FUT9: variants seen among roughly 807,000 people sequenced by gnomAD.
FUT9 encodes 4-galactosyl-N-acetylglucosaminide 3-alpha-L-fucosyltransferase 9.
A neutral mutation model predicts 29.7 loss-of-function variants in FUT9; 15 were observed. That is an observed-to-expected ratio of 0.51 (90% confidence interval 0.34 to 0.78). The LOEUF (loss-of-function observed/expected upper bound fraction) is 0.78. FUT9 is among the 30% of genes least tolerant of loss of function. FUT9 has a pLI of 0.01. For synonymous variants in FUT9, 169 were observed against 153.7 expected (o/e 1.10, Z -0.74); for missense variants, 319 against 425.4 (o/e 0.75, Z 2.20).
At chr6:96,159,615 G>C (rs1772859646) in intron 2 of FUT9, among the ~76,000 whole-genome samples, 2 of 152,150 alleles carry the variant, frequency 1.3e-5, no homozygotes, top group African/African-American at 4.8e-5. Flanking sequence ...ACTCACATAA[G>C]GTCTGCCTAT....
intron 2 of FUT9, among the ~76,000 whole-genome samples, chr6:96,149,897 T>C (rs186611502): frequency 1.1e-4 from 16 of 152,292 alleles, no homozygotes; most frequent in South Asian, 8.3e-4. Flanking sequence ...CAATAAGTTA[T>C]TGTTAACTAT....
In FUT9 at chr6:96,194,226, C is replaced by T. The variant is rs190378347; in HGVS notation, c.-8-8922C>T. ...ATAATAAAAAATAAAATTTAGTGTACGTCAGAACTACTTGGAGGGCTCGCC... is the reference window on the plus strand; with the variant it reads ...ATAATAAAAAATAAAATTTAGTGTATGTCAGAACTACTTGGAGGGCTCGCC... On this transcript the variant is annotated intron_variant, in intron 2 of 2. Coordinates refer to ENST00000302103, the MANE Select transcript of FUT9 (RefSeq NM_006581.4). Among the ~76,000 whole-genome samples the T allele has an allele frequency of 1.1e-4, 17 of 152,028 alleles. No individual in the cohort carries two copies. In the East Asian group the frequency reaches 2.7e-3, roughly 24 times the overall value.
chr6:96,180,495 G>T (rs1773285246), intron 2 of FUT9, among the ~76,000 whole-genome samples: 1 of 151,992 alleles, frequency 6.6e-6, no homozygotes, highest in African/African-American at 2.4e-5. Flanking sequence ...TGTAAGTGAA[G>T]GGTTTTTTGG....
intron 1 of FUT9, among the ~76,000 whole-genome samples, chr6:96,100,230 AACACACACACACACACACACACACAC>A (rs36064811): frequency 6.7e-6 from 1 of 148,790 alleles, no homozygotes; most frequent in Admixed American, 6.7e-5. Context: ...CACACACACC[AACACACACACACACACACACACACAC>A]ACACACACAC....
chr6:96,035,949 G>T, intron 1 of FUT9, among the ~76,000 whole-genome samples: 7 of 39,348 alleles, frequency 1.8e-4, no homozygotes, highest in East Asian at 7.1e-4. Flanking sequence ...AATACATTAT[G>T]TTTATTATAT....
intron 1 of FUT9, among the ~76,000 whole-genome samples, chr6:96,057,174 C>G (rs146740928): frequency 8.3e-4 from 127 of 152,260 alleles, no homozygotes; most frequent in Middle Eastern, 3.4e-3. Flanking sequence ...TAAGGGACAT[C>G]TGTATGTAAT....
intron 1 of FUT9, among the ~76,000 whole-genome samples, chr6:96,086,925 C>A (rs953903257): frequency 6.6e-6 from 1 of 152,128 alleles, no homozygotes; most frequent in African/African-American, 2.4e-5. Context: ...AGGTTTCCTG[C>A]AATTCAGGAG....
At chr6:96,185,036 G>GATT (rs1286562858) in intron 2 of FUT9, among the ~76,000 whole-genome samples, 2 of 151,994 alleles carry the variant, frequency 1.3e-5, no homozygotes, top group Non-Finnish European at 2.9e-5. Flanking sequence ...TTAACAAGGA[G>GATT]ATTAGACCAG....
At chr6:96,059,997 C>A (rs960957516) in intron 1 of FUT9, among the ~76,000 whole-genome samples, 1 of 152,192 alleles carries the variant, frequency 6.6e-6, no homozygotes, top group Non-Finnish European at 1.5e-5. Context: ...GATTTTAATA[C>A]TAAAAAAGAG....
intron 1 of FUT9, among the ~76,000 whole-genome samples, chr6:96,017,457 G>A (rs1182395257): frequency 6.6e-6 from 1 of 152,142 alleles, no homozygotes; most frequent in Non-Finnish European, 1.5e-5. Context: ...ATGAATATGA[G>A]CAAGGGGGAT....
At chr6:96,089,233 G>T (rs1015535975) in intron 1 of FUT9, among the ~76,000 whole-genome samples, 1 of 152,226 alleles carries the variant, frequency 6.6e-6, no homozygotes, top group Admixed American at 6.5e-5. Flanking sequence ...AATAGCCAAG[G>T]AGATTCTTCT....
intron 1 of FUT9, among the ~76,000 whole-genome samples, chr6:96,052,369 C>G (rs535061065): frequency 7.8e-4 from 118 of 152,256 alleles, no homozygotes; most frequent in African/African-American, 2.8e-3. Context: ...AAATGTCTGG[C>G]CAATATTGTC....
chr6:96,144,822 T>C (rs1438383372), intron 2 of FUT9, among the ~76,000 whole-genome samples: 1 of 152,144 alleles, frequency 6.6e-6, no homozygotes, highest in Non-Finnish European at 1.5e-5. Context: ...CAACACTGTA[T>C]AATCAGTATT....
chr6:96,095,886 A>C (rs1228762684), intron 1 of FUT9, among the ~76,000 whole-genome samples: 1 of 152,128 alleles, frequency 6.6e-6, no homozygotes, highest in African/African-American at 2.4e-5. Context: ...CATCGGTAAA[A>C]ATAGGGATTA....
intron 2 of FUT9, among the ~76,000 whole-genome samples, chr6:96,200,824 G>A (rs1053933541): frequency 1.3e-5 from 2 of 152,036 alleles, no homozygotes; most frequent in Admixed American, 6.6e-5. Flanking sequence ...GAGTCTAGAT[G>A]GAATTGAGAG....
chr6:96,059,773 C>G (rs1471477432), intron 1 of FUT9, among the ~76,000 whole-genome samples: 1 of 152,094 alleles, frequency 6.6e-6, no homozygotes, highest in East Asian at 1.9e-4. Flanking sequence ...AATGTTATCC[C>G]TTTTTCTTTG....
At chr6:96,185,023 A>C (rs1773379654) in intron 2 of FUT9, among the ~76,000 whole-genome samples, 1 of 151,968 alleles carries the variant, frequency 6.6e-6, no homozygotes, top group Non-Finnish European at 1.5e-5. Context: ...CCCAGTTGTT[A>C]TGTTAACAAG....
intron 2 of FUT9, among the ~76,000 whole-genome samples, chr6:96,185,171 A>T (rs1047573247): frequency 6.6e-6 from 1 of 151,708 alleles, no homozygotes; most frequent in Non-Finnish European, 1.5e-5. Flanking sequence ...TAACAGAAGG[A>T]ATGAAAGGCG....
intron 2 of FUT9, among the ~76,000 whole-genome samples, chr6:96,177,442 A>G (rs1017757132): frequency 2.6e-5 from 4 of 152,152 alleles, no homozygotes; most frequent in African/African-American, 9.7e-5. Flanking sequence ...ATACTCATCT[A>G]GAAATGAAAA....
Sources: gnomAD v4.1 joint callset for allele counts (sites outside exome capture counted in the v4.1 genomes callset) on GRCh38, gnomAD v4.1.1 for gene constraint, MANE v1.5 for transcripts, NCBI Gene and HGNC (gene_info 2026-07-23, HGNC 2026-07-21) for gene names.